The following C18orf32 variants were observed in gnomAD, a reference collection of about 807,000 sequenced individuals.
C18orf32 encodes the protein UPF0729 protein C18orf32.
A neutral mutation model predicts 7.4 loss-of-function variants in C18orf32; 5 were observed. The observed-to-expected ratio is 0.68, with a 90% confidence interval of 0.35 to 1.42. The LOEUF (loss-of-function observed/expected upper bound fraction) is 1.42. C18orf32 is among the 40% of genes most tolerant of loss of function. The pLI, the probability that C18orf32 is intolerant of heterozygous loss-of-function variation, is 0.04. For synonymous variants in C18orf32, 30 were observed against 29.3 expected (o/e 1.02, Z -0.08); for missense variants, 88 against 92.4 (o/e 0.95, Z 0.19).
chr18:49,479,504 G>C lies in C18orf32; in HGVS notation c.*2841C>G, dbSNP rs2083643632. The stretch of plus-strand genomic sequence containing the variant: ...ATTCTCCCAGGCAGTGTCCCAGCAA[G>C]CCAGATAGCACTCTTGAGAGGAAGC... On this transcript the variant is annotated 3_prime_UTR_variant, in exon 3 of 3. Coordinates refer to ENST00000318240, the MANE Select transcript of C18orf32 (RefSeq NM_001035005.4). 6.6e-6 allele frequency: 1 copy of C among 152,638 alleles called. No individual in the cohort carries two copies. The highest frequency in any genetic ancestry group is 1.5e-5 in the Non-Finnish European group (1 of 68,428). 9.5% of individuals were successfully genotyped at this position (152,638 alleles called of 1,614,324 possible). A position where few individuals can be genotyped will look rare whatever the true frequency, so the allele number is the denominator to read the frequency against.
Position 49,480,080 on chromosome 18 carries a change from T to C in C18orf32, c.*2265A>G, listed in dbSNP as rs1469026583. The C allele has an allele frequency of 6.6e-6, 1 of 152,124 alleles. No homozygotes were observed. The highest frequency in any genetic ancestry group is 2.4e-5 in the African/African-American group (1 of 41,388). 9.4% of individuals were successfully genotyped at this position (152,124 alleles called of 1,614,324 possible). A position where few individuals can be genotyped will look rare whatever the true frequency, so the allele number is the denominator to read the frequency against. ...TGGCTCATGCCTGTAATCCCGACAC[T>C]TTGGGAGGCTGAGGCAAGAGGATCA... is the stretch of plus-strand genomic sequence containing the variant. On this transcript the variant is annotated 3_prime_UTR_variant, in exon 3 of 3. Coordinates refer to ENST00000318240, the MANE Select transcript of C18orf32 (RefSeq NM_001035005.4).
chr18:49,483,562 C>A, intron 2 of C18orf32, 22 bp downstream of exon 2: 1 of 1,569,196 alleles, frequency 6.4e-7, no homozygotes. Flanking sequence ...TGCTCTTATT[C>A]AAGGCATGTG....
Position 49,481,434 on chromosome 18 carries a change from C to T in C18orf32, c.*911G>A, listed in dbSNP as rs986646714. On this transcript the variant is annotated 3_prime_UTR_variant, in exon 3 of 3. Coordinates refer to ENST00000318240, the MANE Select transcript of C18orf32 (RefSeq NM_001035005.4). Reference sequence around the variant, plus strand: ...AATCACATAGCGGCCCAGGTCCAGACCCAGGCCCAGCCAGCCATATGAGTG... The same window carrying T: ...AATCACATAGCGGCCCAGGTCCAGATCCAGGCCCAGCCAGCCATATGAGTG... The T allele has an allele frequency of 6.6e-6, 1 of 152,268 alleles. No homozygotes were observed. Among genetic ancestry groups the T allele is most frequent in the Non-Finnish European group, 1.5e-5 (1 of 68,104 alleles). The allele number at this position is 152,268 out of a possible 1,614,324, so 9.4% of individuals were successfully genotyped here.
At chr18:49,486,782 A>G (rs1164938999) in intron 1 of C18orf32, among the ~76,000 whole-genome samples, 1 of 152,154 alleles carries the variant, frequency 6.6e-6, no homozygotes, top group East Asian at 1.9e-4. Flanking sequence ...TGAGCATGTC[A>G]TCTTAGTGGA....
Position 49,482,406 on chromosome 18 carries a change from G to A in C18orf32, c.170C>T (p.Ala57Val). 2 of 1,609,036 alleles carry A rather than the reference G, an allele frequency of 1.2e-6. No individual in the cohort carries two copies. The highest frequency in any genetic ancestry group is 1.1e-5 in the South Asian group (1 of 90,502). The change falls in exon 3 of 3, where the codon GCA becomes GTA. Residue 57 changes from alanine (A) to valine (V), a missense_variant. Physicochemically the swap from Ala to Val is moderately conservative, Grantham distance 64. Coordinates refer to ENST00000318240, the MANE Select transcript of C18orf32 (RefSeq NM_001035005.4). ...TNKGKVNFKG[A>V]DMNGLPTKGP... Reference sequence around the variant, plus strand: ...TTTTGTTGGTAATCCATTCATGTCTGCACCCTAAAATGAAAAAACATTTTA... The same window carrying A: ...TTTTGTTGGTAATCCATTCATGTCTACACCCTAAAATGAAAAAACATTTTA...
intron 1 of C18orf32, among the ~76,000 whole-genome samples, chr18:49,485,549 C>T (rs1372583750): frequency 6.7e-6 from 1 of 149,574 alleles, no homozygotes; most frequent in African/African-American, 2.5e-5. Flanking sequence ...AGCAAAACTC[C>T]GTGTCAGAAA....
Position 49,478,019 on chromosome 18 carries a change from A to G in C18orf32, c.*4326T>C, listed in dbSNP as rs1301189549. ...TTGAAATCTTAGACTTGTCATTTAC[A>G]TATTTAAACTCCATTATTCTTTTTT... On this transcript the variant is annotated 3_prime_UTR_variant, in exon 3 of 3. Coordinates refer to ENST00000318240, the MANE Select transcript of C18orf32 (RefSeq NM_001035005.4). 1 of 148,832 alleles carries G rather than the reference A, an allele frequency of 6.7e-6. No individual in the cohort carries two copies. The highest frequency in any genetic ancestry group is 1.9e-4 in the East Asian group (1 of 5,164). 9.2% of individuals were successfully genotyped at this position (148,832 alleles called of 1,614,324 possible). A position where few individuals can be genotyped will look rare whatever the true frequency, so the allele number is the denominator to read the frequency against.
At position 49,478,772 on chromosome 18, in the gene C18orf32, C is replaced by A. The variant is rs923097896; in HGVS notation, c.*3573G>T. The A allele has an allele frequency of 6.6e-6, 1 of 150,382 alleles. No homozygotes were observed. Among genetic ancestry groups the A allele is most frequent in the African/African-American group, 2.5e-5 (1 of 39,734 alleles). 9.3% of individuals were successfully genotyped at this position (150,382 alleles called of 1,614,324 possible). On this transcript the variant is annotated 3_prime_UTR_variant, in exon 3 of 3. Transcript: ENST00000318240. ...CAAACAGTGGCTACCAACTCCAGCC[C>A]ATGGATAACTGATAAAAGCTTTTAA...
chr18:49,485,794 T>A (rs2083735427), intron 1 of C18orf32, among the ~76,000 whole-genome samples: 1 of 152,068 alleles, frequency 6.6e-6, no homozygotes, highest in South Asian at 2.1e-4. Context: ...ACAGATTTTT[T>A]AATTCTTAGT....
At chr18:49,485,462 G>C (rs903138643) in intron 1 of C18orf32, among the ~76,000 whole-genome samples, 1 of 151,974 alleles carries the variant, frequency 6.6e-6, no homozygotes, top group Non-Finnish European at 1.5e-5. Context: ...GCTGAGGCAG[G>C]AGAATTGCTT....
At chr18:49,482,876 G>A (rs1785733922) in intron 2 of C18orf32, among the ~76,000 whole-genome samples, 1 of 143,064 alleles carries the variant, frequency 7.0e-6, no homozygotes, top group East Asian at 2.1e-4. Context: ...TCGGCTCACT[G>A]AAACCTCTGC....
chr18:49,482,858 A>C (rs2083681242), intron 2 of C18orf32, among the ~76,000 whole-genome samples: 1 of 143,604 alleles, frequency 7.0e-6, no homozygotes, highest in Non-Finnish European at 1.5e-5. Flanking sequence ...GAGTGCAATG[A>C]TGTGATCTCG....
At position 49,477,836 on chromosome 18, in the gene C18orf32, TATATATATATACACAC is replaced by T; in HGVS notation, c.*4493_*4508del. 4.3e-5 allele frequency: 1 copy of T among 23,124 alleles called. No individual in the cohort carries two copies. Among genetic ancestry groups the T allele is most frequent in the Admixed American group, 5.6e-4 (1 of 1,778 alleles). 1.4% of individuals were successfully genotyped at this position (23,124 alleles called of 1,614,324 possible). A position where few individuals can be genotyped will look rare whatever the true frequency, so the allele number is the denominator to read the frequency against. ...TACACACACTATATATATATACACA[TATATATATATACACAC>T]ACTATATATATACACACTATATATA... On this transcript the variant is annotated 3_prime_UTR_variant, in exon 3 of 3. Coordinates refer to ENST00000318240, the MANE Select transcript of C18orf32 (RefSeq NM_001035005.4).
Position 49,482,295 on chromosome 18 carries a change from A to G in C18orf32, c.*50T>C, listed in dbSNP as rs749112831. On this transcript the variant is annotated 3_prime_UTR_variant, in exon 3 of 3. Coordinates refer to ENST00000318240, the MANE Select transcript of C18orf32 (RefSeq NM_001035005.4). Reference sequence around the variant, plus strand: ...GAGACAATTACAAGGAAGATGCTTCATATTATCAGGTCCATTTTTTAAATG... The same window carrying G: ...GAGACAATTACAAGGAAGATGCTTCGTATTATCAGGTCCATTTTTTAAATG... The G allele has an allele frequency of 1.6e-6, 2 of 1,278,494 alleles. No homozygotes were observed. Among genetic ancestry groups the G allele is most frequent in the African/African-American group, 1.5e-5 (1 of 68,214 alleles). The allele number at this position is 1,278,494 out of a possible 1,614,324, so 79.2% of individuals were successfully genotyped here. A position where few individuals can be genotyped will look rare whatever the true frequency, so the allele number is the denominator to read the frequency against.
Position 49,478,952 on chromosome 18 carries a change from T to C in C18orf32, c.*3393A>G, listed in dbSNP as rs1270476858. The C allele has an allele frequency of 6.6e-6, 1 of 152,216 alleles. No homozygotes were observed. The highest frequency in any genetic ancestry group is 1.5e-5 in the Non-Finnish European group (1 of 68,042). 9.4% of individuals were successfully genotyped at this position (152,216 alleles called of 1,614,324 possible). On this transcript the variant is annotated 3_prime_UTR_variant, in exon 3 of 3. Coordinates refer to ENST00000318240, the MANE Select transcript of C18orf32 (RefSeq NM_001035005.4). ...TGGTGTCAAACTGTCTTTTACGAAA[T>C]ACTGGTAATAAATTGTAGCTTTTTG... is the stretch of plus-strand genomic sequence containing the variant.
rs2083675318 is a variant in C18orf32, at chr18:49,482,558, C to A, written c.166-148G>T. The stretch of plus-strand genomic sequence containing the variant: ...CCTGGCTGACATGGTGAAACCCCGT[C>A]CCTACTAAAAATACAAAAATTAGCT... On this transcript the variant is annotated intron_variant, in intron 2 of 2. Transcript: ENST00000318240. The A allele has an allele frequency of 1.0e-5, 6 of 573,254 alleles. No individual in the cohort carries two copies. The East Asian group carries it at 1.9e-4, about 18-fold the overall frequency. The allele number at this position is 573,254 out of a possible 1,614,324, so 35.5% of individuals were successfully genotyped here.
Position 49,483,770 on chromosome 18 carries a change from A to T in C18orf32, c.-22T>A. ...CCATTTTCCCAAGCTTGAGCTCCTCAACTGTTGATATATGTGAAGAAAAAA... is the reference window on the plus strand; with the variant it reads ...CCATTTTCCCAAGCTTGAGCTCCTCTACTGTTGATATATGTGAAGAAAAAA... On this transcript the variant is annotated splice_region_variant and 5_prime_UTR_variant, in exon 2 of 3. Transcript: ENST00000318240. The T allele has an allele frequency of 1.9e-6, 3 of 1,597,430 alleles. No homozygotes were observed. The highest frequency in any genetic ancestry group is 2.5e-6 in the Non-Finnish European group (3 of 1,176,500).
intron 1 of C18orf32, among the ~76,000 whole-genome samples, chr18:49,484,144 A>AG (rs1361890188): frequency 5.7e-5 from 5 of 88,040 alleles, no homozygotes; most frequent in Non-Finnish European, 8.6e-5. Context: ...AAGAAAAAAA[A>AG]AAAATATATA....
intron 1 of C18orf32, among the ~76,000 whole-genome samples, chr18:49,485,013 T>C (rs992597434): frequency 3.4e-5 from 5 of 148,684 alleles, no homozygotes; most frequent in Non-Finnish European, 6.0e-5. Context: ...ACCCGGGAGG[T>C]AGAGGTTGCG....
Sources: gnomAD v4.1 joint callset for allele counts (sites outside exome capture counted in the v4.1 genomes callset) on GRCh38, gnomAD v4.1.1 for gene constraint, MANE v1.5 for transcripts, NCBI Gene and HGNC (gene_info 2026-07-23, HGNC 2026-07-21) for gene names.